KREMEN2: variants seen among roughly 807,000 people sequenced by gnomAD.
The protein encoded by KREMEN2 is kremen protein 2.
A neutral mutation model predicts 49.8 loss-of-function variants in KREMEN2; 43 were observed. The ratio of observed to expected loss-of-function variants is 0.86; its 90% CI spans 0.68 to 1.11. The LOEUF is 1.11. Among genes scored for constraint, KREMEN2 ranks in the 50% most tolerant of loss-of-function variants. KREMEN2 has a pLI of 0.00. For synonymous variants in KREMEN2, 355 were observed against 304.9 expected, an observed-to-expected ratio of 1.16 and a Z score of -1.71; for missense variants, 686 against 665.7, an observed-to-expected ratio of 1.03 and a Z score of -0.34.
Position 2,968,223 on chromosome 16 carries a change from C to G in KREMEN2, c.*203C>G. The G allele has an allele frequency of 1.1e-6, 1 of 899,692 alleles. No individual in the cohort carries two copies. The highest frequency in any genetic ancestry group is 1.7e-6 in the Non-Finnish European group (1 of 583,612). The allele number at this position is 899,692 out of a possible 1,614,324, so 55.7% of individuals were successfully genotyped here. ...CGTGGGGGTCCAGATGGTCCAGGCC[C>G]TCTCCATGGACCTGTATGTGGGGGT... On this transcript the variant is annotated 3_prime_UTR_variant, in exon 9 of 9. Coordinates refer to ENST00000303746, the MANE Select transcript of KREMEN2 (RefSeq NM_172229.3).
chr16:2,964,838 G>A, intron 1 of KREMEN2, 21 bp from the exon 2 acceptor site: 1 of 1,609,360 alleles, frequency 6.2e-7, no homozygotes, highest in South Asian at 1.1e-5. Context: ...GACCTCCCCA[G>A]GCCCTGCCTT....
In KREMEN2 at chr16:2,964,442, T is replaced by C; in HGVS notation, c.-79T>C. 9.9e-7 allele frequency: 1 copy of C among 1,015,112 alleles called. No homozygotes were observed. The allele number at this position is 1,015,112 out of a possible 1,614,324, so 62.9% of individuals were successfully genotyped here. A position where few individuals can be genotyped will look rare whatever the true frequency, so the allele number is the denominator to read the frequency against. ...GTCAGAGGACAACGCCCCCTAGGTCTCCTGGGAGACCCCGAAGCGACCCCG... is the reference window on the plus strand; with the variant it reads ...GTCAGAGGACAACGCCCCCTAGGTCCCCTGGGAGACCCCGAAGCGACCCCG... On this transcript the variant is annotated 5_prime_UTR_variant, in exon 1 of 9. Coordinates refer to ENST00000303746, the MANE Select transcript of KREMEN2 (RefSeq NM_172229.3).
rs770802382 is a variant in KREMEN2 at position 2,967,456 on chromosome 16, C to A, written c.1099+11C>A. ...CGGCCGCGATTGGGGGTGAGGCGGG[C>A]GCGCGGGACGGGAGTGAGTCAGGGA... On this transcript the variant is annotated intron_variant, in intron 7 of 8. Transcript: ENST00000303746. 4 of 1,418,430 alleles carry A rather than the reference C, an allele frequency of 2.8e-6. No individual in the cohort carries two copies. In the South Asian group the frequency reaches 4.5e-5, roughly 16 times the overall value. 87.9% of individuals were successfully genotyped at this position (1,418,430 alleles called of 1,614,324 possible).
At chr16:2,965,544 C>T (rs1484013067) in intron 2 of KREMEN2, among the ~76,000 whole-genome samples, 7 of 152,078 alleles carry the variant, frequency 4.6e-5, no homozygotes, top group African/African-American at 1.7e-4. Flanking sequence ...CCAAGGCAGG[C>T]GGATCATCTG....
At position 2,964,406 on chromosome 16, in the gene KREMEN2, G is replaced by A. The variant is rs539373041; in HGVS notation, c.-115G>A. The A allele has an allele frequency of 2.8e-5, 20 of 704,146 alleles. No homozygotes were observed. The East Asian group carries it at 5.4e-4, about 19-fold the overall frequency. The allele number at this position is 704,146 out of a possible 1,614,324, so 43.6% of individuals were successfully genotyped here. On this transcript the variant is annotated 5_prime_UTR_variant, in exon 1 of 9. Coordinates refer to ENST00000303746, the MANE Select transcript of KREMEN2 (RefSeq NM_172229.3). ...CGGAAAGCGCGGCTCAGAGTCGGAC[G>A]AGGGGAGACTGTCAGAGGACAACGC...
chr16:2,967,450 G>A lies in KREMEN2; in HGVS notation c.1099+5G>A. On this transcript the variant is annotated splice_donor_5th_base_variant and intron_variant, in intron 7 of 8. Coordinates refer to ENST00000303746, the MANE Select transcript of KREMEN2 (RefSeq NM_172229.3). ...CTCCGCCGGCCGCGATTGGGGGTGA[G>A]GCGGGCGCGCGGGACGGGAGTGAGT... is the stretch of plus-strand genomic sequence containing the variant. 2 of 1,418,402 alleles carry A rather than the reference G, an allele frequency of 1.4e-6. No individual in the cohort carries two copies. Among genetic ancestry groups the A allele is most frequent in the Non-Finnish European group, 1.8e-6 (2 of 1,097,168 alleles). 87.9% of individuals were successfully genotyped at this position (1,418,402 alleles called of 1,614,324 possible). A position where few individuals can be genotyped will look rare whatever the true frequency, so the allele number is the denominator to read the frequency against.
Position 2,968,034 on chromosome 16 carries a change from G to A in KREMEN2, c.*14G>A, listed in dbSNP as rs1360802398. On this transcript the variant is annotated 3_prime_UTR_variant, in exon 9 of 9. Coordinates refer to ENST00000303746, the MANE Select transcript of KREMEN2 (RefSeq NM_172229.3). ...TCCGCTCTCTGACTCTGGGCCCCGAGGGTCCGCTGGGCCCGCCGCCGGCGA... is the reference window on the plus strand; with the variant it reads ...TCCGCTCTCTGACTCTGGGCCCCGAAGGTCCGCTGGGCCCGCCGCCGGCGA... 1.9e-6 allele frequency: 3 copies of A among 1,539,728 alleles called. No homozygotes were observed. The highest frequency in any genetic ancestry group is 1.7e-6 in the Non-Finnish European group (2 of 1,148,728).
In KREMEN2 at chr16:2,964,527, A is replaced by T; in HGVS notation, c.7A>T (p.Thr3Ser). 6.3e-7 allele frequency: 1 copy of T among 1,583,310 alleles called. No individual in the cohort carries two copies. Among genetic ancestry groups the T allele is most frequent in the Middle Eastern group, 1.7e-4 (1 of 5,930 alleles). The part of the protein sequence containing the change: MG[T>S]QALQGFLFLL... ...CTATCCTTGGTTGAGAGCGATGGGG[A>T]CACAAGCCCTGCAGGGCTTCCTCTT... Residue 3 changes from threonine (T) to serine (S), a missense_variant, in exon 1 of 9, where the codon ACA becomes TCA. By Grantham distance (58) the Thr-to-Ser change is moderately conservative. Coordinates refer to ENST00000303746, the MANE Select transcript of KREMEN2 (RefSeq NM_172229.3).
At chr16:2,967,294 A>G in intron 6 of KREMEN2, 26 bp from the exon 7 acceptor site, 3 of 1,327,766 alleles carry the variant, frequency 2.3e-6, no homozygotes, top group Non-Finnish European at 2.9e-6. Flanking sequence ...CGCTCTCCCC[A>G]CCCCGCCTCA....
At position 2,968,338 on chromosome 16, in the gene KREMEN2, C is replaced by CA; in HGVS notation, c.*324dup. On this transcript the variant is annotated 3_prime_UTR_variant, in exon 9 of 9. Transcript: ENST00000303746. Reference sequence around the variant, plus strand: ...GAGGTCACAGGTCAGCAAAAACAGTCAAAAAACCCCCACAGATTTTGAATA... The same window carrying CA: ...GAGGTCACAGGTCAGCAAAAACAGTCAAAAAAACCCCCACAGATTTTGAATA... 1.3e-6 allele frequency: 2 copies of CA among 1,534,768 alleles called. No individual in the cohort carries two copies. The highest frequency in any genetic ancestry group is 1.7e-6 in the Non-Finnish European group (2 of 1,146,072).
At position 2,966,256 on chromosome 16, in the gene KREMEN2, T is replaced by G. The variant is rs773164975; in HGVS notation, c.361+25T>G. 1.2e-6 allele frequency: 2 copies of G among 1,613,018 alleles called. No individual in the cohort carries two copies. The highest frequency in any genetic ancestry group is 4.5e-5 in the East Asian group (2 of 44,868). The stretch of plus-strand genomic sequence containing the variant: ...AGTGAGTAGCGCGGCTGGACAGAGG[T>G]GGGAACGCTGCTGCATCTGGGAGGA... On this transcript the variant is annotated intron_variant, in intron 3 of 8. Coordinates refer to ENST00000303746, the MANE Select transcript of KREMEN2 (RefSeq NM_172229.3). The surrounding 1 kb of genome is among the most constrained non-coding windows in gnomAD (Gnocchi z 8.4).
At chr16:2,965,112 G>C (rs1420279308) in intron 2 of KREMEN2, 79 bp downstream of exon 2, 15 of 1,271,064 alleles carry the variant, frequency 1.2e-5, no homozygotes, top group Non-Finnish European at 1.6e-5. Context: ...CTCCGTGCGG[G>C]CGGGGTGGAG....
chr16:2,967,319 G>C lies in KREMEN2; in HGVS notation c.974-1G>C, dbSNP rs2071847554. ...ACCCCGCCTCACGCCCCTCTCCGCA[G>C]GGCTGCAGGACGCCGCTGAGGACCC... is the stretch of plus-strand genomic sequence containing the variant. On this transcript the variant is annotated splice_acceptor_variant, in intron 6 of 8. Transcript: ENST00000303746. LOFTEE classifies it high-confidence loss of function. 2 of 1,394,032 alleles carry C rather than the reference G, an allele frequency of 1.4e-6. No individual in the cohort carries two copies. Among genetic ancestry groups the C allele is most frequent in the Admixed American group, 3.6e-5 (1 of 27,964 alleles). The allele number at this position is 1,394,032 out of a possible 1,614,324, so 86.4% of individuals were successfully genotyped here.
chr16:2,967,460 C>A lies in KREMEN2; in HGVS notation c.1099+15C>A. ...CGCGATTGGGGGTGAGGCGGGCGCG[C>A]GGGACGGGAGTGAGTCAGGGAGCCG... On this transcript the variant is annotated intron_variant, in intron 7 of 8. Coordinates refer to ENST00000303746, the MANE Select transcript of KREMEN2 (RefSeq NM_172229.3). 1 of 1,420,124 alleles carries A rather than the reference C, an allele frequency of 7.0e-7. No homozygotes were observed. Among genetic ancestry groups the A allele is most frequent in the Non-Finnish European group, 9.1e-7 (1 of 1,097,752 alleles). The allele number at this position is 1,420,124 out of a possible 1,614,324, so 88.0% of individuals were successfully genotyped here.
chr16:2,966,079 C>T lies in KREMEN2; in HGVS notation c.270-61C>T, dbSNP rs2151055101. Reference sequence around the variant, plus strand: ...CCACTTTGAGCATAGGCTGCGGGGCCGGGCCTGGGTTTGCTATTCTTGGGG... The same window carrying T: ...CCACTTTGAGCATAGGCTGCGGGGCTGGGCCTGGGTTTGCTATTCTTGGGG... On this transcript the variant is annotated intron_variant, in intron 2 of 8. Coordinates refer to ENST00000303746, the MANE Select transcript of KREMEN2 (RefSeq NM_172229.3). The surrounding 1 kb of genome is among the most constrained non-coding windows in gnomAD (Gnocchi z 8.4). 1.4e-6 allele frequency: 2 copies of T among 1,473,040 alleles called. No homozygotes were observed. Among genetic ancestry groups the T allele is most frequent in the East Asian group, 2.3e-5 (1 of 44,162 alleles). 91.2% of individuals were successfully genotyped at this position (1,473,040 alleles called of 1,614,324 possible).
rs2071776018 is a variant in KREMEN2, at chr16:2,964,379, G to A, written c.-142G>A. 25 of 606,352 alleles carry A rather than the reference G, an allele frequency of 4.1e-5. No individual in the cohort carries two copies. In the South Asian group the frequency reaches 4.9e-4, roughly 12 times the overall value. 37.6% of individuals were successfully genotyped at this position (606,352 alleles called of 1,614,324 possible). On this transcript the variant is annotated 5_prime_UTR_variant, in exon 1 of 9. Coordinates refer to ENST00000303746, the MANE Select transcript of KREMEN2 (RefSeq NM_172229.3). Reference sequence around the variant, plus strand: ...CCCCAGGAGAGATTTACCCACCCCAGACGGAAAGCGCGGCTCAGAGTCGGA... The same window carrying A: ...CCCCAGGAGAGATTTACCCACCCCAAACGGAAAGCGCGGCTCAGAGTCGGA...
chr16:2,964,719 G>A, intron 1 of KREMEN2, 105 bp downstream of exon 1: 1 of 1,383,852 alleles, frequency 7.2e-7, no homozygotes, highest in Non-Finnish European at 9.8e-7. Context: ...GCAGGTGGCC[G>A]GAGCAGCTGA....
chr16:2,965,072 C>G (rs1259626301), intron 2 of KREMEN2, 39 bp downstream of exon 2: 3 of 1,467,622 alleles, frequency 2.0e-6, no homozygotes, highest in Non-Finnish European at 2.7e-6. Flanking sequence ...AGGCTGGGCT[C>G]ACCATTGCAG....
In KREMEN2 at chr16:2,966,583, C is replaced by A; in HGVS notation, c.487-59C>A. On this transcript the variant is annotated intron_variant, in intron 4 of 8. Transcript: ENST00000303746. This position sits in a 1 kb window ranked among gnomAD's most constrained non-coding sequence, Gnocchi z 8.4. ...CCGATTCCCACCCCGACCCCAGGCC[C>A]CCACCACTTCACCCCTACCCCAGCC... 6.4e-7 allele frequency: 1 copy of A among 1,569,826 alleles called. No homozygotes were observed. The highest frequency in any genetic ancestry group is 1.1e-5 in the South Asian group (1 of 87,378).
Sources: allele counts gnomAD v4.1 joint callset (sites outside exome capture counted in the v4.1 genomes callset), GRCh38; gene constraint gnomAD v4.1.1; non-coding constraint Gnocchi (gnomAD v3.1); transcripts MANE v1.5; gene names NCBI Gene and HGNC (gene_info 2026-07-23, HGNC 2026-07-21).